C12orf42: variants seen among roughly 807,000 people sequenced by gnomAD.
C12orf42 encodes uncharacterized protein C12orf42.
Under a neutral mutation model 21.6 loss-of-function variants are expected in C12orf42, and 25 were observed. The ratio of observed to expected loss-of-function variants is 1.16; its 90% CI spans 0.84 to 1.62. The LOEUF (loss-of-function observed/expected upper bound fraction) is 1.62, where lower values mean the gene tolerates loss of function less well. Ranked by LOEUF, C12orf42 falls within the 40% of genes most tolerant of loss-of-function variation. The probability of loss-of-function intolerance (pLI) is 0.00; values close to 1 mark genes in which losing one functional copy is unlikely to be tolerated. For missense variants in C12orf42, 483 were observed against 459.3 expected (o/e 1.05, Z -0.47); for synonymous variants, 174 against 175.0 (o/e 0.99, Z 0.05).
the C12orf42 span, among the ~76,000 whole-genome samples, chr12:103,509,474 G>A: frequency 2.0e-5 from 3 of 152,176 alleles, no homozygotes; most frequent in Non-Finnish European, 2.9e-5. Flanking sequence ...AAGCTTCCTC[G>A]GGTAAAATAC....
At chr12:103,238,734 G>A (rs545516793) in intron 10 of C12orf42, among the ~76,000 whole-genome samples, 7 of 152,154 alleles carry the variant, frequency 4.6e-5, no homozygotes, top group African/African-American at 7.2e-5. Flanking sequence ...AGTGCAGCAC[G>A]GTGAGAAAGA....
chr12:103,495,469 C>T (rs1023016031), intron 1 of C12orf42, among the ~76,000 whole-genome samples: 2 of 150,924 alleles, frequency 1.3e-5, no homozygotes, highest in Non-Finnish European at 3.0e-5. Context: ...CGGGCGGCGG[C>T]GAGCCGGCCG....
the C12orf42 span, among the ~76,000 whole-genome samples, chr12:103,188,142 G>C: frequency 6.6e-6 from 1 of 152,218 alleles, no homozygotes; most frequent in African/African-American, 2.4e-5. Context: ...TACTAGTTCA[G>C]AAATGAGCAG....
chr12:103,377,196 C>T (rs946872204), intron 3 of C12orf42, among the ~76,000 whole-genome samples: 3 of 152,016 alleles, frequency 2.0e-5, no homozygotes, highest in Middle Eastern at 3.4e-3. Flanking sequence ...TTGTTTGGTT[C>T]CCTGTGTAGT....
At chr12:103,258,297 C>A (rs2034713320) in intron 10 of C12orf42, among the ~76,000 whole-genome samples, 1 of 151,990 alleles carries the variant, frequency 6.6e-6, no homozygotes, top group Non-Finnish European at 1.5e-5. Flanking sequence ...ATGCTGTGAT[C>A]ATATAGATAT....
chr12:103,191,015 A>G, the C12orf42 span, among the ~76,000 whole-genome samples: 1 of 152,206 alleles, frequency 6.6e-6, no homozygotes, highest in African/African-American at 2.4e-5. Context: ...ACAGGAGAAA[A>G]GTGAATTTTT....
intron 4 of C12orf42, among the ~76,000 whole-genome samples, chr12:103,332,488 C>G (rs2041326710): frequency 6.6e-6 from 1 of 152,218 alleles, no homozygotes; most frequent in South Asian, 2.1e-4. Context: ...AACAAACCAG[C>G]TGTAATAGCC....
At chr12:103,068,912 G>A in the C12orf42 span, among the ~76,000 whole-genome samples, 574 of 60,562 alleles carry the variant, frequency 9.5e-3, 8 homozygotes, top group Non-Finnish European at 0.013. Flanking sequence ...GATAGATATA[G>A]ATATATATAT....
At chr12:103,381,640 C>A (rs113781121) in intron 3 of C12orf42, among the ~76,000 whole-genome samples, 6 of 152,106 alleles carry the variant, frequency 3.9e-5, no homozygotes, top group Admixed American at 1.3e-4. Flanking sequence ...TATCTTGGGC[C>A]GGGTTGGTGG....
downstream of C12orf42, chr12:103,301,860 T>C (rs2037671774): frequency 4.1e-6 from 2 of 485,516 alleles, no homozygotes; most frequent in South Asian, 3.1e-5. Flanking sequence ...CCCATCCCTA[T>C]TGTGAGGCAC....
At chr12:103,556,281 A>G in the C12orf42 span, among the ~76,000 whole-genome samples, 2 of 152,208 alleles carry the variant, frequency 1.3e-5, no homozygotes, top group African/African-American at 4.8e-5. Context: ...CTGGACCAGT[A>G]TAAGCACTCA....
the C12orf42 span, among the ~76,000 whole-genome samples, chr12:103,097,838 A>G: frequency 6.6e-6 from 1 of 152,230 alleles, no homozygotes; most frequent in East Asian, 1.9e-4. Context: ...TTCCCCACTC[A>G]TGCGGATGGG....
intron 4 of C12orf42, among the ~76,000 whole-genome samples, chr12:103,317,610 C>G (rs1413948109): frequency 6.6e-6 from 1 of 152,166 alleles, no homozygotes; most frequent in Admixed American, 6.5e-5. Flanking sequence ...ATGAATGTCT[C>G]TAGGCATTGG....
At chr12:103,171,379 T>C in the C12orf42 span, among the ~76,000 whole-genome samples, 1 of 152,088 alleles carries the variant, frequency 6.6e-6, no homozygotes, top group Non-Finnish European at 1.5e-5. Context: ...AAATATTTGT[T>C]GAATAAAAGA....
chr12:103,112,872 G>A, the C12orf42 span, among the ~76,000 whole-genome samples: 2 of 152,108 alleles, frequency 1.3e-5, no homozygotes, highest in South Asian at 2.1e-4. Flanking sequence ...TCCTTCTACC[G>A]TAGCACTCAC....
At chr12:103,095,204 C>T in the C12orf42 span, among the ~76,000 whole-genome samples, 3 of 152,296 alleles carry the variant, frequency 2.0e-5, no homozygotes, top group East Asian at 5.8e-4. Flanking sequence ...CCCATTAAAT[C>T]GTAAGTCAGG....
At chr12:103,503,606 G>T in the C12orf42 span, 1 of 152,284 alleles carries the variant, frequency 6.6e-6, no homozygotes, top group Non-Finnish European at 1.5e-5. Flanking sequence ...GGATGACAGG[G>T]TCATGCCCAG....
the C12orf42 span, among the ~76,000 whole-genome samples, chr12:103,064,536 C>T: frequency 2.6e-5 from 4 of 152,192 alleles, no homozygotes; most frequent in Non-Finnish European, 2.9e-5. Flanking sequence ...GGACAAAAGA[C>T]TAATTTGAAT....
chr12:103,287,414 T>C (rs1436396693), intron 4 of C12orf42, among the ~76,000 whole-genome samples: 1 of 151,778 alleles, frequency 6.6e-6, no homozygotes, highest in African/African-American at 2.4e-5. Context: ...GGGACATGGA[T>C]GAAGCTGGAA....
Sources: allele counts gnomAD v4.1 joint callset (sites outside exome capture counted in the v4.1 genomes callset), GRCh38; gene constraint gnomAD v4.1.1; transcripts MANE v1.5; gene names NCBI Gene and HGNC (gene_info 2026-07-23, HGNC 2026-07-21).